UCMA: variants seen among roughly 807,000 people sequenced by gnomAD.
UCMA encodes the protein upper zone of growth plate and cartilage matrix-associated protein.
A neutral mutation model predicts 21.8 loss-of-function variants in UCMA; 21 were observed. The observed-to-expected ratio is 0.97, with a 90% CI of 0.68 to 1.39. The LOEUF (loss-of-function observed/expected upper bound fraction) is 1.39. Ranked by LOEUF, UCMA falls within the 40% of genes most tolerant of loss-of-function variation. The pLI is 0.00. For missense variants in UCMA, 193 were observed against 178.9 expected (o/e 1.08, Z -0.45); for synonymous variants, 76 against 67.9 (o/e 1.12, Z -0.58).
In UCMA at chr10:13,229,724, G is replaced by C. The variant is rs375579693; in HGVS notation, c.221-15C>G. The stretch of plus-strand genomic sequence containing the variant: ...CCTGTTTTCCACTGTGAAAGGAAAA[G>C]AAGCAAGAGTTGCCCCTCAAGAATG... On this transcript the variant is annotated splice_polypyrimidine_tract_variant and intron_variant, in intron 3 of 4. Transcript: ENST00000378681. 1 of 1,612,378 alleles carries C rather than the reference G, an allele frequency of 6.2e-7. No individual in the cohort carries two copies. The highest frequency in any genetic ancestry group is 8.5e-7 in the Non-Finnish European group (1 of 1,178,682).
Position 13,229,614 on chromosome 10 carries a change from C to T in UCMA, c.316G>A (p.Asp106Asn), listed in dbSNP as rs760151703. 1.3e-4 allele frequency: 209 copies of T among 1,613,642 alleles called. No homozygotes were observed. Among genetic ancestry groups the T allele is most frequent in the South Asian group, 5.9e-4 (54 of 91,034 alleles). Residue 106 changes from aspartate (D) to asparagine (N), a missense_variant, in exon 4 of 5, where the codon GAT (aspartate) becomes AAT (asparagine). By Grantham distance (23) the Asp-to-Asn change is conservative. Transcript: ENST00000378681. ...ACACTGGCTGAAGAGCTCTTACCAT[C>T]GTTTTGTTCCTCCACGAAGTTCTCA... is the stretch of plus-strand genomic sequence containing the variant. The part of the protein sequence containing the change: ...EFENFVEEQN[D>N]EQEERSREAV...
chr10:13,228,597 A>G (rs927133211), intron 4 of UCMA, among the ~76,000 whole-genome samples: 1 of 152,184 alleles, frequency 6.6e-6, no homozygotes, highest in Admixed American at 6.6e-5. Flanking sequence ...GATGCTGAGT[A>G]CACTGAATAG....
At chr10:13,233,866 C>A in intron 1 of UCMA, 66 bp from the exon 2 acceptor site, 2 of 1,590,506 alleles carry the variant, frequency 1.3e-6, no homozygotes, top group Admixed American at 3.4e-5. Context: ...GAGCTGAGTC[C>A]CCATCTCTCT....
chr10:13,222,047 A>T lies in UCMA; in HGVS notation c.*56T>A. ...TTTGCATGGGAAAGATTGCTGGAAC[A>T]CGGGGATGCCAATGGTGCTACAAGC... On this transcript the variant is annotated 3_prime_UTR_variant, in exon 5 of 5. Coordinates refer to ENST00000378681, the MANE Select transcript of UCMA (RefSeq NM_145314.3). 6.3e-7 allele frequency: 1 copy of T among 1,590,856 alleles called. No homozygotes were observed. Among genetic ancestry groups the T allele is most frequent in the South Asian group, 1.1e-5 (1 of 90,292 alleles).
At chr10:13,229,361 C>T (rs1204897756) in intron 4 of UCMA, among the ~76,000 whole-genome samples, 2 of 151,764 alleles carry the variant, frequency 1.3e-5, no homozygotes, top group Non-Finnish European at 2.9e-5. Context: ...ACTAAATATA[C>T]AAAAATTAGC....
At chr10:13,230,469 C>T (rs537549627) in intron 3 of UCMA, among the ~76,000 whole-genome samples, 1 of 152,288 alleles carries the variant, frequency 6.6e-6, no homozygotes, top group African/African-American at 2.4e-5. Flanking sequence ...CAAGGTATTT[C>T]CCCCAACACG....
In UCMA at chr10:13,222,144, C is replaced by T. The variant is rs752633251; in HGVS notation, c.376G>A (p.Gly126Ser). Reference protein sequence around the residue: ...VEQWRQWHYDGLHPSYLYNRH... With the variant: ...VEQWRQWHYDSLHPSYLYNRH... Reference sequence around the variant, plus strand: ...TTGTAGAGATAGGATGGGTGCAGGCCGTCATAGTGCCACTGGCGCCACTGC... The same window carrying T: ...TTGTAGAGATAGGATGGGTGCAGGCTGTCATAGTGCCACTGGCGCCACTGC... The change falls in exon 5 of 5, where the codon GGC becomes AGC. Residue 126 changes from glycine to serine, a missense_variant. Coordinates refer to ENST00000378681, the MANE Select transcript of UCMA (RefSeq NM_145314.3). The T allele has an allele frequency of 3.1e-5, 50 of 1,614,020 alleles. No homozygotes were observed. The highest frequency in any genetic ancestry group is 2.1e-4 in the South Asian group (19 of 91,080).
chr10:13,233,387 C>T, intron 3 of UCMA, 151 bp downstream of exon 3: 1 of 669,776 alleles, frequency 1.5e-6, no homozygotes, highest in Non-Finnish European at 2.7e-6. Context: ...TGTAATTTCT[C>T]ATTCAGAGCT....
intron 3 of UCMA, among the ~76,000 whole-genome samples, chr10:13,231,787 A>C (rs1834902080): frequency 6.6e-6 from 1 of 152,182 alleles, no homozygotes; most frequent in Non-Finnish European, 1.5e-5. Context: ...CCCTAAAGTA[A>C]CTTCACCTTT....
chr10:13,231,375 G>A (rs1588491296), intron 3 of UCMA, among the ~76,000 whole-genome samples: 1 of 152,126 alleles, frequency 6.6e-6, no homozygotes, highest in East Asian at 1.9e-4. Context: ...AGATGTGCAT[G>A]ACCTAACAGA....
At position 13,232,593 on chromosome 10, in the gene UCMA, A is replaced by AT. The variant is rs113395213; in HGVS notation, c.220+944dup. On this transcript the variant is annotated intron_variant, in intron 3 of 4. Transcript: ENST00000378681. ...TTCCTAGCACGGTTATACTTATTCAATTTTTTTTAAAAAAAGAAATTTCAT... is the reference window on the plus strand; with the variant it reads ...TTCCTAGCACGGTTATACTTATTCAATTTTTTTTTAAAAAAAGAAATTTCAT... Among the ~76,000 whole-genome samples, 503 of 151,850 alleles carry AT rather than the reference A, an allele frequency of 3.3e-3. 3 individuals carry two copies. Among genetic ancestry groups the AT allele is most frequent in the East Asian group, 0.012 (64 of 5,170 alleles).
intron 3 of UCMA, among the ~76,000 whole-genome samples, chr10:13,231,507 G>A (rs961419838): frequency 1.3e-5 from 2 of 152,202 alleles, no homozygotes; most frequent in African/African-American, 4.8e-5. Context: ...GAAAGCCGTT[G>A]TGGGAGGTGC....
At chr10:13,234,067 G>C in intron 1 of UCMA, 134 bp downstream of exon 1, 1 of 755,184 alleles carries the variant, frequency 1.3e-6, no homozygotes, top group Non-Finnish European at 2.1e-6. Context: ...ACATGCACAC[G>C]ACACACACAT....
At chr10:13,230,086 C>T (rs577359461) in intron 3 of UCMA, among the ~76,000 whole-genome samples, 7 of 152,246 alleles carry the variant, frequency 4.6e-5, no homozygotes, top group East Asian at 3.9e-4. Context: ...TCAACATTTT[C>T]GAGCTCTTAT....
At chr10:13,232,837 G>A (rs932461925) in intron 3 of UCMA, among the ~76,000 whole-genome samples, 4 of 152,070 alleles carry the variant, frequency 2.6e-5, no homozygotes, top group African/African-American at 9.7e-5. Flanking sequence ...TGCCCTCAGG[G>A]GTTGGCAGGT....
intron 4 of UCMA, among the ~76,000 whole-genome samples, chr10:13,225,430 T>G (rs1834811782): frequency 6.6e-6 from 1 of 152,054 alleles, no homozygotes; most frequent in South Asian, 2.1e-4. Context: ...ATCCCAGCAC[T>G]GTGGGAGGCC....
At chr10:13,232,227 G>C (rs892321226) in intron 3 of UCMA, among the ~76,000 whole-genome samples, 1 of 151,918 alleles carries the variant, frequency 6.6e-6, no homozygotes, top group African/African-American at 2.4e-5. Flanking sequence ...ACAAAAATTA[G>C]CAGGCGTGGT....
At chr10:13,229,742 C>T (rs761048350) in intron 3 of UCMA, 33 bp from the exon 4 acceptor site, 2 of 1,591,558 alleles carry the variant, frequency 1.3e-6, no homozygotes, top group South Asian at 2.2e-5. Context: ...AGTTGCCCCT[C>T]AAGAATGAGG....
chr10:13,228,082 C>T (rs1471527604), intron 4 of UCMA, among the ~76,000 whole-genome samples: 36 of 151,454 alleles, frequency 2.4e-4, no homozygotes, highest in African/African-American at 8.7e-4. Context: ...TTTTCTGAGA[C>T]AGAGTCTTGC....
Sources: allele counts gnomAD v4.1 joint callset (sites outside exome capture counted in the v4.1 genomes callset), GRCh38; gene constraint gnomAD v4.1.1; transcripts MANE v1.5; gene names NCBI Gene and HGNC (gene_info 2026-07-23, HGNC 2026-07-21).